HS6ST2: variants seen among roughly 807,000 people sequenced by gnomAD.
HS6ST2 encodes heparan-sulfate 6-O-sulfotransferase 2.
A neutral mutation model predicts 33.0 loss-of-function variants in HS6ST2; 17 were observed. The ratio of observed to expected loss-of-function variants is 0.52; its 90% CI spans 0.35 to 0.77. HS6ST2 has a LOEUF of 0.77. Ranked by LOEUF, HS6ST2 falls within the 30% of genes least tolerant of loss-of-function variation. The pLI is 0.01. For synonymous variants in HS6ST2, 248 were observed against 237.1 expected, an observed-to-expected ratio of 1.05 and a Z score of -0.42; for missense variants, 519 against 551.7, an observed-to-expected ratio of 0.94 and a Z score of 0.59.
intron 3 of HS6ST2, among the ~76,000 whole-genome samples, chrX:132,680,781 A>T (rs1044633632): frequency 7.2e-5 from 8 of 110,373 alleles, no homozygotes; most frequent in African/African-American, 2.6e-4. Flanking sequence ...GGATCACCTG[A>T]GGTCAGGAGT....
At chrX:132,958,094 C>G (rs1474419615) in intron 1 of HS6ST2, 81 bp downstream of exon 1, 13 of 949,417 alleles carry the variant, frequency 1.4e-5, no homozygotes, top group Admixed American at 1.2e-4. Flanking sequence ...TTCTCTACCC[C>G]CCGCGGCTGC....
chrX:132,742,026 G>T (rs1306669148), intron 2 of HS6ST2, among the ~76,000 whole-genome samples: 1 of 112,187 alleles, frequency 8.9e-6, no homozygotes, highest in Non-Finnish European at 1.9e-5. Flanking sequence ...CATGGCAGTA[G>T]TAACAGTATT....
chrX:132,629,440 T>C (rs1477319834), intron 4 of HS6ST2, among the ~76,000 whole-genome samples: 1 of 111,539 alleles, frequency 9.0e-6, no homozygotes, highest in Admixed American at 9.5e-5. Flanking sequence ...AATGACACCA[T>C]TGGCTAACTA....
Position 132,669,185 on chromosome X carries a change from C to A in HS6ST2, c.995G>T (p.Gly332Val), listed in dbSNP as rs768284415. The change falls in exon 4 of 5, where the codon GGT (glycine) becomes GTT (valine). Residue 332 changes from glycine to valine, a missense_variant. Physicochemically the swap from Gly to Val is moderately radical, Grantham distance 109. Coordinates refer to ENST00000370833, the MANE Select transcript of HS6ST2 (RefSeq NM_001394073.1). ...GGCGCCTGCGTTAGTGTTTGGAGAA[C>A]CCCGTTTATCCTTACTATACCCACA... Reference protein sequence around the residue: ...ILDAASKDKRGSPNTNAGANS... With the variant: ...ILDAASKDKRVSPNTNAGANS... 1 of 1,206,491 alleles carries A rather than the reference C, an allele frequency of 8.3e-7. No homozygotes were observed. Among genetic ancestry groups the A allele is most frequent in the Non-Finnish European group, 1.1e-6 (1 of 891,868 alleles).
intron 2 of HS6ST2, among the ~76,000 whole-genome samples, chrX:132,785,953 T>C (rs2065057049): frequency 9.0e-6 from 1 of 111,708 alleles, no homozygotes; most frequent in Admixed American, 9.6e-5. Flanking sequence ...TTTTGAGAGA[T>C]ACAGACAAGT....
At position 132,660,770 on chromosome X, in the gene HS6ST2, C is replaced by T. The variant is rs2063765776; in HGVS notation, c.1067+8343G>A. Among the ~76,000 whole-genome samples, 8 of 111,750 alleles carry T rather than the reference C, an allele frequency of 7.2e-5. No homozygotes were observed. In the South Asian group the frequency reaches 3.0e-3, roughly 42 times the overall value. ...CTTAAGTGGGTAGAAATTATTTACA[C>T]ACCAAAAAACTCATAGCTATTTGTA... On this transcript the variant is annotated intron_variant, in intron 4 of 4. Transcript: ENST00000370833.
Position 132,827,354 on chromosome X carries a change from T to C in HS6ST2, c.948-118860A>G, listed in dbSNP as rs146091600. 5.0e-3 allele frequency among the ~76,000 whole-genome samples: 551 copies of C among 110,985 alleles called. 5 individuals are homozygous for C. The highest frequency in any genetic ancestry group is 0.017 in the African/African-American group (521 of 30,500). On this transcript the variant is annotated intron_variant, in intron 2 of 4. Transcript: ENST00000370833. ...CCTGTAAACTTACTATGGTTCACGG[T>C]GTCAGGGAAGGCTTCACAGGGCATG...
At chrX:132,717,978 A>G (rs1465279008) in intron 2 of HS6ST2, among the ~76,000 whole-genome samples, 1 of 112,003 alleles carries the variant, frequency 8.9e-6, no homozygotes, top group Non-Finnish European at 1.9e-5. Flanking sequence ...TTCCCCAAGC[A>G]TATAAAATAT....
chrX:132,880,962 T>A, intron 2 of HS6ST2, among the ~76,000 whole-genome samples: 1 of 110,137 alleles, frequency 9.1e-6, no homozygotes, highest in African/African-American at 3.3e-5. Flanking sequence ...GCACTCATCA[T>A]TTTTTATGGC....
intron 2 of HS6ST2, among the ~76,000 whole-genome samples, chrX:132,926,116 A>G (rs1463576795): frequency 8.9e-6 from 1 of 112,657 alleles, no homozygotes; most frequent in African/African-American, 3.2e-5. Flanking sequence ...ACAATATTAA[A>G]TTTTTTACTC....
Position 132,628,338 on chromosome X carries a change from CTCTGAGTCAGATTCTGCATCAGAT to C in HS6ST2, c.1799_1822del (p.Asn600_Gln607del). On this transcript the variant is annotated inframe_deletion, in exon 5 of 5. Transcript: ENST00000370833. Reference sequence around the variant, plus strand: ...TTCCCGGTTCTCCTTCTGGCTCAAACTCTGAGTCAGATTCTGCATCAGATTCTGAGTCAGGTTCTGATTGGCATT... The same window carrying C: ...TTCCCGGTTCTCCTTCTGGCTCAAACTCTGAGTCAGGTTCTGATTGGCATT... 8.6e-7 allele frequency: 1 copy of C among 1,168,523 alleles called. No homozygotes were observed. Among genetic ancestry groups the C allele is most frequent in the East Asian group, 3.2e-5 (1 of 31,011 alleles).
At chrX:132,719,392 G>GAGAT (rs1375980115) in intron 2 of HS6ST2, among the ~76,000 whole-genome samples, 8 of 112,085 alleles carry the variant, frequency 7.1e-5, no homozygotes, top group African/African-American at 2.6e-4. Flanking sequence ...CTATGCTAGA[G>GAGAT]AGATAGGAGG....
chrX:132,705,044 G>A (rs948461424), intron 3 of HS6ST2, among the ~76,000 whole-genome samples: 3 of 111,398 alleles, frequency 2.7e-5, no homozygotes, highest in African/African-American at 9.8e-5. Context: ...AATCATTAGT[G>A]TAGAGGTTAA....
At chrX:132,846,909 G>C (rs2065755157) in intron 2 of HS6ST2, among the ~76,000 whole-genome samples, 1 of 110,536 alleles carries the variant, frequency 9.0e-6, no homozygotes, top group South Asian at 3.9e-4. Context: ...ACCTCCTAAT[G>C]ATCATCAGTC....
chrX:132,956,734 C>A (rs2067076851), intron 2 of HS6ST2, 74 bp downstream of exon 2: 1 of 1,081,157 alleles, frequency 9.2e-7, no homozygotes. Context: ...AGGTCCCCGG[C>A]TTGGGCCAGC....
intron 4 of HS6ST2, among the ~76,000 whole-genome samples, chrX:132,630,364 C>A (rs1379506370): frequency 8.9e-6 from 1 of 111,999 alleles, no homozygotes; most frequent in Non-Finnish European, 1.9e-5. Context: ...GCTCAGCCAC[C>A]TGCTTAACTG....
chrX:132,797,235 T>A (rs1023389499), intron 2 of HS6ST2, among the ~76,000 whole-genome samples: 5 of 111,803 alleles, frequency 4.5e-5, no homozygotes, highest in African/African-American at 1.6e-4. Flanking sequence ...TAGTGGGTAC[T>A]TGGTTGATGG....
At chrX:132,652,781 G>A (rs1253422436) in intron 4 of HS6ST2, among the ~76,000 whole-genome samples, 1 of 110,294 alleles carries the variant, frequency 9.1e-6, no homozygotes, top group Non-Finnish European at 1.9e-5. Flanking sequence ...GAAATGCAAC[G>A]TATATTAGCT....
intron 2 of HS6ST2, among the ~76,000 whole-genome samples, chrX:132,929,907 G>A (rs748696441): frequency 1.8e-5 from 2 of 111,429 alleles, no homozygotes; most frequent in South Asian, 3.8e-4. Context: ...GAAGTCCCCC[G>A]AGGACTCAAG....
Sources: allele counts gnomAD v4.1 joint callset (sites outside exome capture counted in the v4.1 genomes callset), GRCh38; gene constraint gnomAD v4.1.1; transcripts MANE v1.5; gene names NCBI Gene and HGNC (gene_info 2026-07-23, HGNC 2026-07-21).